Variants in SLC2A13 observed in about 807,000 individuals in gnomAD.
The protein encoded by SLC2A13 is proton myo-inositol cotransporter.
In SLC2A13, 32 loss-of-function variants were observed where a neutral mutation model predicts 64.4. That is an observed-to-expected ratio of 0.50 (90% confidence interval 0.37 to 0.67). SLC2A13 has a LOEUF of 0.67. Among genes scored for constraint, SLC2A13 ranks in the 30% least tolerant of loss-of-function variants. The pLI is 0.00. For missense variants in SLC2A13, 743 were observed against 829.2 expected (o/e 0.90, Z 1.28); for synonymous variants, 338 against 327.1 (o/e 1.03, Z -0.36).
At chr12:40,089,301 A>G (rs1391816781) in intron 1 of SLC2A13, among the ~76,000 whole-genome samples, 1 of 152,214 alleles carries the variant, frequency 6.6e-6, no homozygotes, top group Non-Finnish European at 1.5e-5. Flanking sequence ...CAGAAGCCAA[A>G]AGTAATCAAA....
Position 39,902,294 on chromosome 12 carries a change from A to T in SLC2A13, c.1035-30333T>A, listed in dbSNP as rs1019074261. The stretch of plus-strand genomic sequence containing the variant: ...AGCATGGCACATGTATACATATGTA[A>T]CTAACCTGCACATTGTGCAAATGTA... On this transcript the variant is annotated intron_variant, in intron 4 of 9. Transcript: ENST00000280871. 3.3e-5 allele frequency among the ~76,000 whole-genome samples: 5 copies of T among 151,990 alleles called. No homozygotes were observed. In the South Asian group the frequency reaches 1.0e-3, roughly 32 times the overall value.
intron 4 of SLC2A13, among the ~76,000 whole-genome samples, chr12:39,944,387 ACT>A (rs957716918): frequency 2.0e-5 from 3 of 152,176 alleles, no homozygotes; most frequent in Non-Finnish European, 4.4e-5. Context: ...GTTTAAATCC[ACT>A]GTTTCTTTGT....
At chr12:39,788,270 T>C (rs1397965932) in intron 7 of SLC2A13, among the ~76,000 whole-genome samples, 1 of 152,086 alleles carries the variant, frequency 6.6e-6, no homozygotes, top group Non-Finnish European at 1.5e-5. Context: ...TAACTAATAA[T>C]AAAATAAAAA....
At chr12:39,942,760 A>G (rs1389059508) in intron 4 of SLC2A13, among the ~76,000 whole-genome samples, 3 of 152,148 alleles carry the variant, frequency 2.0e-5, no homozygotes, top group African/African-American at 7.2e-5. Context: ...TACTTCTGTC[A>G]ATTCATCAAA....
At chr12:39,800,052 T>G (rs1314971532) in intron 7 of SLC2A13, among the ~76,000 whole-genome samples, 1 of 152,188 alleles carries the variant, frequency 6.6e-6, no homozygotes, top group East Asian at 1.9e-4. Context: ...AGTAAACATA[T>G]ATGTAATGTT....
intron 1 of SLC2A13, among the ~76,000 whole-genome samples, chr12:40,094,975 A>C (rs1427620580): frequency 6.6e-6 from 1 of 152,156 alleles, no homozygotes; most frequent in East Asian, 1.9e-4. Context: ...AACCCAAAAG[A>C]GAGGAGGGAG....
At chr12:40,046,340 T>G (rs998818053) in intron 2 of SLC2A13, among the ~76,000 whole-genome samples, 1 of 152,214 alleles carries the variant, frequency 6.6e-6, no homozygotes, top group Non-Finnish European at 1.5e-5. Flanking sequence ...CATAAATGTA[T>G]TGTCACTACT....
chr12:39,851,179 CAT>C (rs1943457035), intron 6 of SLC2A13, among the ~76,000 whole-genome samples: 1 of 152,110 alleles, frequency 6.6e-6, no homozygotes, highest in Admixed American at 6.5e-5. Context: ...AGATTACAGG[CAT>C]GAGTCACCGT....
chr12:39,959,600 C>A (rs1946374606), intron 3 of SLC2A13, among the ~76,000 whole-genome samples: 1 of 152,182 alleles, frequency 6.6e-6, no homozygotes, highest in Admixed American at 6.5e-5. Flanking sequence ...TTTCTAAATT[C>A]TAAAATATTT....
At chr12:39,884,921 G>A (rs1212395784) in intron 4 of SLC2A13, among the ~76,000 whole-genome samples, 2 of 152,156 alleles carry the variant, frequency 1.3e-5, no homozygotes, top group Admixed American at 1.3e-4. Flanking sequence ...GGGGAGAACT[G>A]GAAAGAACCA....
chr12:40,097,234 A>T (rs1056228654), intron 1 of SLC2A13, among the ~76,000 whole-genome samples: 5 of 152,188 alleles, frequency 3.3e-5, no homozygotes, highest in Admixed American at 6.5e-5. Flanking sequence ...TTCACAAAGA[A>T]TGTATTCTAG....
chr12:39,996,511 C>T (rs755185269), intron 3 of SLC2A13, among the ~76,000 whole-genome samples: 8 of 152,224 alleles, frequency 5.3e-5, no homozygotes, highest in Non-Finnish European at 1.0e-4. Flanking sequence ...GTCTCCAGAG[C>T]ATGTCAGAGG....
chr12:39,899,369 C>G (rs1465712411), intron 4 of SLC2A13, among the ~76,000 whole-genome samples: 1 of 152,152 alleles, frequency 6.6e-6, no homozygotes, highest in African/African-American at 2.4e-5. Flanking sequence ...ATTCTCCTCT[C>G]TTTTCTTCTT....
intron 4 of SLC2A13, among the ~76,000 whole-genome samples, chr12:39,892,386 C>G (rs571431960): frequency 6.6e-6 from 1 of 152,096 alleles, no homozygotes; most frequent in South Asian, 2.1e-4. Flanking sequence ...CTGTCTGGCC[C>G]GGCCACAGGA....
At chr12:39,849,018 C>T (rs1177890260) in intron 6 of SLC2A13, among the ~76,000 whole-genome samples, 1 of 151,880 alleles carries the variant, frequency 6.6e-6, no homozygotes, top group African/African-American at 2.4e-5. Context: ...CTGGGGTCTA[C>T]TTGAGCAGGG....
chr12:39,903,878 C>T (rs1174223236), intron 4 of SLC2A13, among the ~76,000 whole-genome samples: 3 of 151,968 alleles, frequency 2.0e-5, no homozygotes, highest in African/African-American at 4.8e-5. Context: ...TTACTGGGGA[C>T]GTGATGAAGC....
chr12:39,896,468 A>ATATATG (rs1445147669), intron 4 of SLC2A13, among the ~76,000 whole-genome samples: 1 of 144,350 alleles, frequency 6.9e-6, no homozygotes, highest in Non-Finnish European at 1.5e-5. Context: ...ATATGTATAC[A>ATATATG]TATATGTATA....
chr12:39,804,429 A>G (rs1033049975), intron 7 of SLC2A13, among the ~76,000 whole-genome samples: 7 of 152,208 alleles, frequency 4.6e-5, no homozygotes, highest in African/African-American at 1.7e-4. Flanking sequence ...TAATGGTAAG[A>G]GTTTAACATT....
chr12:40,051,718 C>A (rs1948259048), intron 1 of SLC2A13, among the ~76,000 whole-genome samples: 1 of 152,084 alleles, frequency 6.6e-6, no homozygotes, highest in East Asian at 1.9e-4. Context: ...AGGTAAGGGC[C>A]TTCAGGCAGG....
Sources: allele counts gnomAD v4.1 joint callset (sites outside exome capture counted in the v4.1 genomes callset), GRCh38; gene constraint gnomAD v4.1.1; transcripts MANE v1.5; gene names NCBI Gene and HGNC (gene_info 2026-07-23, HGNC 2026-07-21).